Variants in EPHA5 observed in about 807,000 individuals in gnomAD.
EPHA5 encodes ephrin type-A receptor 5.
Under a neutral mutation model 105.0 loss-of-function variants are expected in EPHA5, and 60 were observed. The ratio of observed to expected loss-of-function variants is 0.57; its 90% CI spans 0.46 to 0.71. EPHA5 has a LOEUF of 0.71. Among genes scored for constraint, EPHA5 ranks in the 30% least tolerant of loss-of-function variants. EPHA5 has a pLI of 0.00. For synonymous variants in EPHA5, 513 were observed against 449.1 expected, an observed-to-expected ratio of 1.14 and a Z score of -1.80; for missense variants, 1,218 against 1,274.7, an observed-to-expected ratio of 0.96 and a Z score of 0.68.
intron 5 of EPHA5, among the ~76,000 whole-genome samples, chr4:65,454,135 C>T (rs1054829410): frequency 6.6e-6 from 1 of 151,982 alleles, no homozygotes. Flanking sequence ...ACAAAATTAG[C>T]CGGGCATGGT....
intron 5 of EPHA5, among the ~76,000 whole-genome samples, chr4:65,489,711 G>C (rs1403592994): frequency 6.6e-6 from 1 of 152,134 alleles, no homozygotes; most frequent in African/African-American, 2.4e-5. Context: ...GAACATTTGA[G>C]GGGAAAATAT....
At chr4:65,504,825 T>G (rs1272748984) in intron 3 of EPHA5, among the ~76,000 whole-genome samples, 3 of 152,042 alleles carry the variant, frequency 2.0e-5, no homozygotes, top group African/African-American at 7.2e-5. Flanking sequence ...ATATAAATAC[T>G]TATCATAAAT....
intron 4 of EPHA5, among the ~76,000 whole-genome samples, chr4:65,493,335 A>AT (rs909142684): frequency 7.2e-5 from 11 of 152,010 alleles, no homozygotes; most frequent in African/African-American, 1.7e-4. Flanking sequence ...TTTTTGTTTG[A>AT]TTTTTTCCTG....
chr4:65,526,456 C>A (rs7434942), intron 3 of EPHA5, among the ~76,000 whole-genome samples: 114,454 of 151,714 alleles, frequency 0.75, 43,321 homozygotes, highest in East Asian at 0.87. Context: ...TCTGTCTTTA[C>A]AAAAAATTAA....
intron 3 of EPHA5, among the ~76,000 whole-genome samples, chr4:65,498,876 T>C (rs931447379): frequency 4.0e-5 from 6 of 151,704 alleles, no homozygotes; most frequent in Admixed American, 2.0e-4. Context: ...CTGTAATTAT[T>C]CATCACCTTC....
At chr4:65,341,311 A>C (rs889731775) in intron 14 of EPHA5, among the ~76,000 whole-genome samples, 1 of 152,066 alleles carries the variant, frequency 6.6e-6, no homozygotes, top group Non-Finnish European at 1.5e-5. Context: ...CCAGCTAGGA[A>C]GTGGGGGTGG....
chr4:65,405,612 A>G (rs1268822852), intron 7 of EPHA5, among the ~76,000 whole-genome samples: 2 of 152,172 alleles, frequency 1.3e-5, no homozygotes, highest in African/African-American at 4.8e-5. Flanking sequence ...ATTCTAGACC[A>G]GTAGTTAGAT....
At chr4:65,568,954 T>A (rs1051800596) in intron 3 of EPHA5, among the ~76,000 whole-genome samples, 2 of 151,176 alleles carry the variant, frequency 1.3e-5, no homozygotes, top group African/African-American at 4.8e-5. Flanking sequence ...ATAGAGTTTT[T>A]AAACATAATT....
intron 3 of EPHA5, among the ~76,000 whole-genome samples, chr4:65,591,904 C>T (rs1009830446): frequency 2.6e-5 from 4 of 151,940 alleles, no homozygotes; most frequent in Non-Finnish European, 5.9e-5. Context: ...TTAAATGAAA[C>T]GTATCTTTTA....
At chr4:65,549,685 A>G (rs538608412) in intron 3 of EPHA5, among the ~76,000 whole-genome samples, 1 of 152,296 alleles carries the variant, frequency 6.6e-6, no homozygotes, top group South Asian at 2.1e-4. Flanking sequence ...TTGAATTAAA[A>G]TTCTTACTTC....
intron 1 of EPHA5, among the ~76,000 whole-genome samples, chr4:65,653,964 C>T (rs185012689): frequency 5.9e-4 from 89 of 152,030 alleles, no homozygotes; most frequent in African/African-American, 2.0e-3. Context: ...ATCTGGTAGC[C>T]TTGTTACATA....
chr4:65,517,437 C>A (rs759539326), intron 3 of EPHA5, among the ~76,000 whole-genome samples: 104 of 151,580 alleles, frequency 6.9e-4, no homozygotes, highest in Non-Finnish European at 1.3e-3. Flanking sequence ...AACTTTTATT[C>A]AGAATAAATT....
chr4:65,368,510 G>A (rs1219298125), intron 8 of EPHA5, among the ~76,000 whole-genome samples: 1 of 151,922 alleles, frequency 6.6e-6, no homozygotes, highest in Non-Finnish European at 1.5e-5. Flanking sequence ...CAAATCCCAG[G>A]AACTACGACC....
chr4:65,569,902 CAA>C (rs1465546710), intron 3 of EPHA5, among the ~76,000 whole-genome samples: 1 of 151,618 alleles, frequency 6.6e-6, no homozygotes, highest in Admixed American at 6.6e-5. Context: ...AAATATTTGA[CAA>C]AAGTTTGAAA....
At chr4:65,351,031 CTA>C (rs34164927) in intron 13 of EPHA5, among the ~76,000 whole-genome samples, 72,790 of 149,838 alleles carry the variant, frequency 0.49, 18,341 homozygotes, top group Admixed American at 0.56. Context: ...CACATACATA[CTA>C]TATATATATA....
intron 8 of EPHA5, among the ~76,000 whole-genome samples, chr4:65,372,381 A>T (rs892507846): frequency 6.6e-6 from 1 of 151,918 alleles, no homozygotes; most frequent in Non-Finnish European, 1.5e-5. Context: ...TTTATGAGCC[A>T]GTATTCTTCA....
chr4:65,519,845 G>GAA (rs554000670), intron 3 of EPHA5, among the ~76,000 whole-genome samples: 55 of 152,170 alleles, frequency 3.6e-4, no homozygotes, highest in African/African-American at 1.3e-3. Context: ...TCTTCAAGGA[G>GAA]AACTACAAAC....
chr4:65,538,142 T>G (rs1384623609), intron 3 of EPHA5, among the ~76,000 whole-genome samples: 9 of 151,872 alleles, frequency 5.9e-5, no homozygotes. Context: ...AAATCTGCAG[T>G]GCACTATGTG....
intron 7 of EPHA5, among the ~76,000 whole-genome samples, chr4:65,406,187 T>C (rs1722341179): frequency 6.6e-6 from 1 of 152,158 alleles, no homozygotes; most frequent in African/African-American, 2.4e-5. Flanking sequence ...TAAGCAGATA[T>C]CACCTTTAGG....
Sources: gnomAD v4.1 joint callset for allele counts (sites outside exome capture counted in the v4.1 genomes callset) on GRCh38, gnomAD v4.1.1 for gene constraint, MANE v1.5 for transcripts, NCBI Gene and HGNC (gene_info 2026-07-23, HGNC 2026-07-21) for gene names.